The following XKR6 variants were observed in gnomAD, a reference collection of about 807,000 sequenced individuals.
XKR6 encodes XK related 6, also known as XK-related protein 6.
Under a neutral mutation model 56.7 loss-of-function variants are expected in XKR6, and 22 were observed. The ratio of observed to expected loss-of-function variants is 0.39; its 90% confidence interval spans 0.28 to 0.55. XKR6 has a LOEUF of 0.55. Among genes scored for constraint, XKR6 ranks in the 20% least tolerant of loss-of-function variants. The probability of loss-of-function intolerance (pLI) is 0.66; values close to 1 mark genes in which losing one functional copy is unlikely to be tolerated. For synonymous variants in XKR6, 524 were observed against 387.8 expected (o/e 1.35, Z -4.13); for missense variants, 852 against 889.0 (o/e 0.96, Z 0.53).
At chr8:11,182,227 T>C (rs559183747) in intron 1 of XKR6, among the ~76,000 whole-genome samples, 12 of 152,172 alleles carry the variant, frequency 7.9e-5, no homozygotes, top group Non-Finnish European at 1.6e-4. Context: ...TATAAGGTGG[T>C]GGTGAGCCCC....
chr8:11,174,841 G>A (rs1729028804), intron 1 of XKR6, among the ~76,000 whole-genome samples: 1 of 152,126 alleles, frequency 6.6e-6, no homozygotes, highest in African/African-American at 2.4e-5. Flanking sequence ...ATGATCAACG[G>A]ACCCCTTCAC....
At chr8:10,954,170 G>C (rs377596768) in intron 1 of XKR6, among the ~76,000 whole-genome samples, 1 of 152,144 alleles carries the variant, frequency 6.6e-6, no homozygotes, top group Non-Finnish European at 1.5e-5. Context: ...ATTCTCTTGG[G>C]TATATACATG....
chr8:11,056,431 C>T (rs1361089486), intron 1 of XKR6, among the ~76,000 whole-genome samples: 1 of 152,220 alleles, frequency 6.6e-6, no homozygotes, highest in African/African-American at 2.4e-5. Flanking sequence ...GGGTAAACAT[C>T]CCCTGTGTTC....
chr8:11,055,633 C>G (rs1799662901), intron 1 of XKR6, among the ~76,000 whole-genome samples: 1 of 152,230 alleles, frequency 6.6e-6, no homozygotes, highest in African/African-American at 2.4e-5. Flanking sequence ...CTCTGTCTGA[C>G]AAATAACAGG....
At chr8:11,054,608 G>A (rs766588633) in intron 1 of XKR6, among the ~76,000 whole-genome samples, 79 of 152,288 alleles carry the variant, frequency 5.2e-4, no homozygotes, top group Non-Finnish European at 8.8e-4. Context: ...GCCATGCTCC[G>A]GGAGGGACCT....
chr8:10,920,546 C>T (rs1028575110), intron 2 of XKR6, among the ~76,000 whole-genome samples: 1 of 152,236 alleles, frequency 6.6e-6, no homozygotes, highest in African/African-American at 2.4e-5. Context: ...TCCAAGTCCA[C>T]ACATTTTCTC....
intron 2 of XKR6, among the ~76,000 whole-genome samples, chr8:10,911,818 GGTGA>G (rs1440633345): frequency 6.0e-5 from 9 of 150,644 alleles, no homozygotes; most frequent in Non-Finnish European, 8.9e-5. Context: ...ATATACAGAG[GGTGA>G]GTATGTGTAT....
At chr8:11,120,623 A>C (rs898256352) in intron 1 of XKR6, among the ~76,000 whole-genome samples, 9 of 152,158 alleles carry the variant, frequency 5.9e-5, no homozygotes, top group African/African-American at 1.7e-4. Flanking sequence ...AAGGTAATTT[A>C]TAGATTCAAT....
At chr8:11,173,364 T>TAC (rs1416786682) in intron 1 of XKR6, among the ~76,000 whole-genome samples, 9 of 142,468 alleles carry the variant, frequency 6.3e-5, no homozygotes, top group African/African-American at 8.6e-5. Flanking sequence ...TATATATATA[T>TAC]ATACACACAC....
intron 1 of XKR6, among the ~76,000 whole-genome samples, chr8:11,063,543 C>A (rs530688845): frequency 4.0e-5 from 6 of 150,108 alleles, no homozygotes; most frequent in Admixed American, 4.0e-4. Context: ...AGTCCTATTA[C>A]GCTACTGAGA....
At chr8:11,053,698 T>G (rs1799611998) in intron 1 of XKR6, among the ~76,000 whole-genome samples, 1 of 152,188 alleles carries the variant, frequency 6.6e-6, no homozygotes, top group African/African-American at 2.4e-5. Context: ...AGCCCTCTGT[T>G]CCTGAGAATT....
At chr8:11,154,114 G>C (rs533555832) in intron 1 of XKR6, among the ~76,000 whole-genome samples, 124 of 152,314 alleles carry the variant, frequency 8.1e-4, no homozygotes, top group African/African-American at 2.4e-3. Flanking sequence ...ACTAATAGAA[G>C]TGTCCTTGTT....
chr8:11,020,989 A>G (rs543696177), intron 1 of XKR6, among the ~76,000 whole-genome samples: 3 of 152,292 alleles, frequency 2.0e-5, no homozygotes, highest in African/African-American at 4.8e-5. Context: ...AGATGATGCA[A>G]TCTGGCCCTG....
At chr8:11,130,194 T>C (rs541737587) in intron 1 of XKR6, among the ~76,000 whole-genome samples, 1 of 152,134 alleles carries the variant, frequency 6.6e-6, no homozygotes, top group African/African-American at 2.4e-5. Flanking sequence ...TATGTGTGTA[T>C]GTATTTAGGG....
At chr8:11,017,569 C>T (rs746165232) in intron 1 of XKR6, among the ~76,000 whole-genome samples, 2 of 152,200 alleles carry the variant, frequency 1.3e-5, no homozygotes, top group African/African-American at 2.4e-5. Context: ...GGCTGGGTTC[C>T]GGCACTCAGA....
intron 1 of XKR6, among the ~76,000 whole-genome samples, chr8:11,103,973 C>T (rs572438642): frequency 7.8e-4 from 119 of 152,256 alleles, no homozygotes; most frequent in African/African-American, 2.4e-3. Flanking sequence ...GGAGGAGATG[C>T]GGAGTAATAC....
chr8:10,956,120 C>T (rs1801879300), intron 1 of XKR6, among the ~76,000 whole-genome samples: 1 of 152,184 alleles, frequency 6.6e-6, no homozygotes, highest in African/African-American at 2.4e-5. Context: ...CACCTTGCTG[C>T]TCCCCTTCAC....
chr8:11,185,473 T>G (rs1803223584), intron 1 of XKR6, among the ~76,000 whole-genome samples: 1 of 152,190 alleles, frequency 6.6e-6, no homozygotes, highest in African/African-American at 2.4e-5. Flanking sequence ...CAGTGAAGAT[T>G]TACTGTATGG....
chr8:11,164,999 C>A (rs530026096), intron 1 of XKR6, among the ~76,000 whole-genome samples: 13 of 151,116 alleles, frequency 8.6e-5, no homozygotes, highest in Admixed American at 6.6e-4. Flanking sequence ...ACCAGAGGTA[C>A]CAACAGGGTT....
Sources: allele counts gnomAD v4.1 joint callset (sites outside exome capture counted in the v4.1 genomes callset), GRCh38; gene constraint gnomAD v4.1.1; transcripts MANE v1.5; gene names NCBI Gene and HGNC (gene_info 2026-07-23, HGNC 2026-07-21).